Variants in ZFP90 observed in about 807,000 individuals in gnomAD.
The protein encoded by ZFP90 is zinc finger protein 90 homolog.
ZFP90 carries 38 observed loss-of-function variants against 60.8 expected under a neutral mutation model. The observed-to-expected ratio is 0.62, with a 90% CI of 0.48 to 0.82. The LOEUF is 0.82. ZFP90 is among the 40% of genes least tolerant of loss of function. ZFP90 has a pLI of 0.00. For synonymous variants in ZFP90, 287 were observed against 264.8 expected, an observed-to-expected ratio of 1.08 and a Z score of -0.82; for missense variants, 711 against 759.1, an observed-to-expected ratio of 0.94 and a Z score of 0.74.
chr16:68,544,655 C>T (rs758796741), intron 2 of ZFP90, among the ~76,000 whole-genome samples: 1 of 152,068 alleles, frequency 6.6e-6, no homozygotes, highest in African/African-American at 2.4e-5. Flanking sequence ...CAAGATGCTT[C>T]TGGGGCCACC....
rs1315179238 is a variant in ZFP90 at position 68,563,748 on chromosome 16, C to T, written c.961C>T (p.Arg321Cys). ...QCSLCGKAFQRSSSLVQHQRI... is the reference protein window; with the variant it reads ...QCSLCGKAFQCSSSLVQHQRI... ...TAGTCTCTGTGGGAAAGCCTTCCAG[C>T]GCAGCTCCTCCCTTGTTCAACACCA... Residue 321 changes from arginine to cysteine, a missense_variant, in exon 5 of 5, where the codon CGC (arginine) becomes TGC (cysteine). Around this residue, in one of 5 missense-constraint regions of ZFP90, gnomAD observed 146 missense variants for 201.4 expected, o/e 0.73. Coordinates refer to ENST00000563169, the MANE Select transcript of ZFP90 (RefSeq NM_001305203.2). 2.5e-6 allele frequency: 4 copies of T among 1,612,490 alleles called. No homozygotes were observed. The highest frequency in any genetic ancestry group is 1.7e-5 in the Admixed American group (1 of 59,864).
chr16:68,553,295 A>C (rs2091290009), intron 2 of ZFP90, among the ~76,000 whole-genome samples: 2 of 152,304 alleles, frequency 1.3e-5, no homozygotes, highest in South Asian at 4.1e-4. Flanking sequence ...TGATAAGGTG[A>C]CATTTGAACA....
At chr16:68,541,463 G>A (rs1294800202) in intron 2 of ZFP90, among the ~76,000 whole-genome samples, 2 of 151,808 alleles carry the variant, frequency 1.3e-5, no homozygotes, top group Admixed American at 1.3e-4. Flanking sequence ...ACCACAGCTG[G>A]GCATGTGCCA....
intron 2 of ZFP90, among the ~76,000 whole-genome samples, chr16:68,575,617 G>A (rs1283999179): frequency 6.6e-6 from 1 of 151,194 alleles, no homozygotes; most frequent in African/African-American, 2.4e-5. Flanking sequence ...ATTAGGCAAG[G>A]GTAGTTATAT....
intron 2 of ZFP90, among the ~76,000 whole-genome samples, chr16:68,557,474 G>A (rs1403776328): frequency 6.6e-6 from 1 of 152,000 alleles, no homozygotes; most frequent in East Asian, 1.9e-4. Flanking sequence ...AAAGTAAGTT[G>A]TAGAACAATA....
chr16:68,545,490 G>C (rs183813716), intron 2 of ZFP90, among the ~76,000 whole-genome samples: 21 of 152,246 alleles, frequency 1.4e-4, no homozygotes, highest in African/African-American at 4.8e-4. Flanking sequence ...TTTGTCTTTA[G>C]GATGTTAGGA....
At chr16:68,538,546 A>G (rs754128426), upstream of ZFP90, among the ~76,000 whole-genome samples, 14 of 152,052 alleles carry the variant, frequency 9.2e-5, no homozygotes, top group Non-Finnish European at 1.8e-4. Context: ...TACTAAATAT[A>G]CAAAATTAGA....
At chr16:68,539,950 C>T in intron 2 of ZFP90, 125 bp downstream of exon 2, 3 of 1,357,118 alleles carry the variant, frequency 2.2e-6, no homozygotes, top group South Asian at 1.4e-5. Flanking sequence ...TCGATCGGAG[C>T]CTCCTGGCCA....
At position 68,564,046 on chromosome 16, in the gene ZFP90, A is replaced by G. The variant is rs889852925; in HGVS notation, c.1259A>G (p.Lys420Arg). The G allele has an allele frequency of 1.2e-6, 2 of 1,614,134 alleles. No homozygotes were observed. The highest frequency in any genetic ancestry group is 8.5e-7 in the Non-Finnish European group (1 of 1,180,026). ...CATATGAGGATTCATAAGAGAGGCA[A>G]ACCTTACCAAAGCAGTAACTACAGC... ...YKHMRIHKRG[K>R]PYQSSNYSID... The change falls in exon 5 of 5, where the codon AAA becomes AGA. Residue 420 changes from lysine to arginine, a missense_variant. Around this residue, in one of 5 missense-constraint regions of ZFP90, gnomAD observed 295 missense variants for 274.0 expected, o/e 1.08. Transcript: ENST00000563169.
At chr16:68,555,721 G>C (rs1385963178) in intron 2 of ZFP90, among the ~76,000 whole-genome samples, 1 of 152,208 alleles carries the variant, frequency 6.6e-6, no homozygotes, top group Non-Finnish European at 1.5e-5. Context: ...ATGATAGGGA[G>C]GTTGACTCTC....
Position 68,558,104 on chromosome 16 carries a change from A to G in ZFP90, c.140A>G (p.Tyr47Cys). Residue 47 changes from tyrosine (Y) to cysteine (C), a missense_variant, in exon 3 of 5, where the codon TAT (tyrosine) becomes TGT (cysteine). This residue lies in a region of ZFP90 where 241 missense variants were observed against 247.6 expected (regional missense o/e 0.97). Transcript: ENST00000563169. The stretch of plus-strand genomic sequence containing the variant: ...TACAGGGATGTGATGCTGGAGAACT[A>G]TAGCCACCTGGTTTCTCTTGGTAAG... ...SLYRDVMLEN[Y>C]SHLVSLGYQV... is the part of the protein sequence containing the mutation. The G allele has an allele frequency of 6.2e-7, 1 of 1,613,854 alleles. No homozygotes were observed. Among genetic ancestry groups the G allele is most frequent in the Non-Finnish European group, 8.5e-7 (1 of 1,179,884 alleles).
chr16:68,539,920 G>A, intron 2 of ZFP90, 95 bp downstream of exon 2: 1 of 1,494,480 alleles, frequency 6.7e-7, no homozygotes, highest in South Asian at 1.2e-5. Context: ...TCTGCCTGGC[G>A]ACTCCCTTAC....
At position 68,539,833 on chromosome 16, in the gene ZFP90, A is replaced by G. The variant is rs751510295; in HGVS notation, c.33+8A>G. 1.8e-5 allele frequency: 29 copies of G among 1,606,512 alleles called. No homozygotes were observed. The highest frequency in any genetic ancestry group is 3.4e-5 in the Admixed American group (2 of 59,422). On this transcript the variant is annotated splice_region_variant and intron_variant, in intron 2 of 4. Coordinates refer to ENST00000563169, the MANE Select transcript of ZFP90 (RefSeq NM_001305203.2). ...CCGACCGCCGCGCCCCAGGTGAGCA[A>G]CGCGTTCCTAACCTCCTGGGCATCC...
intron 4 of ZFP90, among the ~76,000 whole-genome samples, chr16:68,560,778 G>T (rs1017373944): frequency 1.3e-5 from 2 of 151,768 alleles, no homozygotes; most frequent in African/African-American, 4.8e-5. Flanking sequence ...TGGCCAGCCT[G>T]GTCTCAAACT....
chr16:68,540,475 G>A (rs1182967), intron 2 of ZFP90, among the ~76,000 whole-genome samples: 76,620 of 152,010 alleles, frequency 0.5, 21,311 homozygotes, highest in East Asian at 0.76. Context: ...AGGCTGATTC[G>A]TGAACCCATT....
At chr16:68,539,573 G>A in intron 1 of ZFP90, 94 bp downstream of exon 1, 1 of 544,292 alleles carries the variant, frequency 1.8e-6, no homozygotes, top group East Asian at 3.3e-5. Flanking sequence ...GTGGCCGGAG[G>A]GGGGTGTCCG....
chr16:68,568,346 T>C (rs986913113), downstream of ZFP90, among the ~76,000 whole-genome samples: 1 of 152,206 alleles, frequency 6.6e-6, no homozygotes, highest in Admixed American at 6.5e-5. Flanking sequence ...AGTCAGAATA[T>C]TGCAAAATAA....
At chr16:68,576,241 G>T (rs2091593567), downstream of ZFP90, among the ~76,000 whole-genome samples, 1 of 152,188 alleles carries the variant, frequency 6.6e-6, no homozygotes, top group African/African-American at 2.4e-5. Context: ...CTTGTATGGT[G>T]GTTTCCTGTA....
intron 3 of ZFP90, 28 bp from the exon 4 acceptor site, chr16:68,558,445 C>A (rs2091382630): frequency 1.2e-6 from 2 of 1,605,594 alleles, no homozygotes; most frequent in African/African-American, 1.3e-5. Context: ...CACAAACAAC[C>A]AAATCTTGTG....
Sources: allele counts gnomAD v4.1 joint callset (sites outside exome capture counted in the v4.1 genomes callset), GRCh38; gene constraint gnomAD v4.1.1; regional missense constraint gnomAD v4.1.1; transcripts MANE v1.5; gene names NCBI Gene and HGNC (gene_info 2026-07-23, HGNC 2026-07-21).